Variants in CC2D1A observed in about 807,000 individuals in gnomAD.
CC2D1A encodes coiled-coil and C2 domain containing 1A.
Under a neutral mutation model 123.8 loss-of-function variants are expected in CC2D1A, and 68 were observed. The observed-to-expected ratio is 0.55, with a 90% CI of 0.45 to 0.67. The LOEUF (loss-of-function observed/expected upper bound fraction) is 0.67, where lower values mean the gene tolerates loss of function less well. CC2D1A is among the 30% of genes least tolerant of loss of function. CC2D1A has a pLI of 0.00. For missense variants in CC2D1A, 1,185 were observed against 1,290.3 expected, an observed-to-expected ratio of 0.92 and a Z score of 1.25; for synonymous variants, 477 against 528.0, an observed-to-expected ratio of 0.90 and a Z score of 1.32.
Position 13,926,387 on chromosome 19 carries a change from G to A in CC2D1A, c.1941-130G>A, listed in dbSNP as rs557868273. 8.4e-6 allele frequency: 6 copies of A among 712,690 alleles called. No individual in the cohort carries two copies. In the South Asian group the frequency reaches 8.9e-5, roughly 11 times the overall value. The allele number at this position is 712,690 out of a possible 1,614,324, so 44.1% of individuals were successfully genotyped here. On this transcript the variant is annotated intron_variant, in intron 17 of 28. Transcript: ENST00000318003. ...TGATTCTAAAATGAGCCCAGGAGCT[G>A]AGACACCCCCGAAGGCCAGGGTGGG...
At chr19:13,928,850 A>C (rs1331362749) in intron 24 of CC2D1A, among the ~76,000 whole-genome samples, 1 of 151,760 alleles carries the variant, frequency 6.6e-6, no homozygotes, top group Non-Finnish European at 1.5e-5. Flanking sequence ...CTGGGATTAC[A>C]GGCATGCGCC....
At chr19:13,912,269 T>C (rs2145306265) in intron 2 of CC2D1A, 54 bp from the exon 3 acceptor site, 1 of 1,518,902 alleles carries the variant, frequency 6.6e-7, no homozygotes, top group Non-Finnish European at 8.9e-7. Context: ...GGATGGGAAA[T>C]GGGGGCTCTT....
In CC2D1A at chr19:13,918,966, G is replaced by T; in HGVS notation, c.1073G>T (p.Arg358Leu). The change falls in exon 10 of 29, where the codon CGG becomes CTG. Residue 358 changes from arginine (R) to leucine (L), a missense_variant. Arg to Leu is a moderately radical substitution (Grantham distance 102). Transcript: ENST00000318003. ...GAGGCGCTGGAGCAGCGGATGGAGC[G>T]GTACCAGGTGGCCGCAGCCCAGGCC... ...LLEALEQRME[R>L]YQVAAAQAKS... 1.2e-6 allele frequency: 2 copies of T among 1,610,242 alleles called. No individual in the cohort carries two copies. Among genetic ancestry groups the T allele is most frequent in the Non-Finnish European group, 1.7e-6 (2 of 1,178,366 alleles).
At chr19:13,925,526 G>A (rs1430853932) in intron 17 of CC2D1A, among the ~76,000 whole-genome samples, 1 of 152,020 alleles carries the variant, frequency 6.6e-6, no homozygotes, top group Non-Finnish European at 1.5e-5. Context: ...CTTGCAGTGA[G>A]CAGAGATCGC....
rs1249442677 is a variant in CC2D1A at position 13,919,178 on chromosome 19, G to T, written c.1198G>T (p.Val400Phe). ...CCACAAGGCTGGCCGAGCCGTGGAT[G>T]TCGCTGAATTGCCCGTGCCCCCAGG... Reference protein sequence around the residue: ...RAHKAGRAVDVAELPVPPGFP... With the variant: ...RAHKAGRAVDFAELPVPPGFP... The change falls in exon 11 of 29, where the codon GTC (valine) becomes TTC (phenylalanine). Residue 400 changes from valine (V) to phenylalanine (F), a missense_variant. Transcript: ENST00000318003. 2 of 1,612,834 alleles carry T rather than the reference G, an allele frequency of 1.2e-6. No homozygotes were observed. The highest frequency in any genetic ancestry group is 1.3e-5 in the African/African-American group (1 of 74,898).
In CC2D1A at chr19:13,927,983, A is replaced by C; in HGVS notation, c.2407A>C (p.Thr803Pro). The change falls in exon 23 of 29, where the codon ACA (threonine) becomes CCA (proline). Residue 803 changes from threonine (T) to proline (P), a missense_variant. Transcript: ENST00000318003. Reference sequence around the variant, plus strand: ...GACAGCCCAGCAGTTGGAGACGACGACAGAGAGGTGGCTGGTCATTGACCC... The same window carrying C: ...GACAGCCCAGCAGTTGGAGACGACGCCAGAGAGGTGGCTGGTCATTGACCC... ...PLTAQQLETT[T>P]ERWLVIDPVP... 1 of 1,613,784 alleles carries C rather than the reference A, an allele frequency of 6.2e-7. No homozygotes were observed. The highest frequency in any genetic ancestry group is 8.5e-7 in the Non-Finnish European group (1 of 1,179,906).
chr19:13,930,290 G>A lies in CC2D1A; in HGVS notation c.2835+1G>A. 1 of 1,613,938 alleles carries A rather than the reference G, an allele frequency of 6.2e-7. No homozygotes were observed. The highest frequency in any genetic ancestry group is 8.5e-7 in the Non-Finnish European group (1 of 1,179,890). On this transcript the variant is annotated splice_donor_variant, in intron 28 of 28. Transcript: ENST00000318003. LOFTEE classifies it high-confidence loss of function. This position sits in a 1 kb window ranked among gnomAD's most constrained non-coding sequence, Gnocchi z 6.8. ...TAGGCGGAATCTGGTAGAGAGTGAG[G>A]TAAGCAGCTTAGGAGATGGGGTGGT... is the stretch of plus-strand genomic sequence containing the variant.
At chr19:13,919,292 C>G (rs1971325753) in intron 11 of CC2D1A, 90 bp downstream of exon 11, 5 of 1,027,382 alleles carry the variant, frequency 4.9e-6, no homozygotes, top group Non-Finnish European at 7.1e-6. Context: ...GGCTGTGCCC[C>G]AAGCTCCTGT....
rs747379192 is a variant in CC2D1A, at chr19:13,919,202, G to GGTAGGCCTTGCCCCT, written c.1222+9_1222+23dup. 1.2e-6 allele frequency: 2 copies of GGTAGGCCTTGCCCCT among 1,611,122 alleles called. No individual in the cohort carries two copies. Among genetic ancestry groups the GGTAGGCCTTGCCCCT allele is most frequent in the Admixed American group, 1.7e-5 (1 of 59,866 alleles). On this transcript the variant is annotated inframe_insertion and splice_region_variant. Coordinates refer to ENST00000318003, the MANE Select transcript of CC2D1A (RefSeq NM_017721.5). The stretch of plus-strand genomic sequence containing the variant: ...TGTCGCTGAATTGCCCGTGCCCCCA[G>GGTAGGCCTTGCCCCT]GTAGGCCTTGCCCCTGTAGGCCTCG...
rs759913319 is a variant in CC2D1A, at chr19:13,913,150, G to A, written c.379-18G>A. 2.1e-5 allele frequency: 33 copies of A among 1,591,264 alleles called. No individual in the cohort carries two copies. In the African/African-American group the frequency reaches 3.6e-4, roughly 18 times the overall value. ...CAAGTGGGGTCACCACCCACACTGT[G>A]CCCCTGCCCTCCCACAGCCGAAGCC... On this transcript the variant is annotated intron_variant, in intron 4 of 28. Coordinates refer to ENST00000318003, the MANE Select transcript of CC2D1A (RefSeq NM_017721.5).
rs570352165 is a variant in CC2D1A, at chr19:13,929,335, CTGGGG to C, written c.2520-43_2520-39del. On this transcript the variant is annotated intron_variant, in intron 24 of 28. Coordinates refer to ENST00000318003, the MANE Select transcript of CC2D1A (RefSeq NM_017721.5). ...TGTCTTTTGAATTAACAGGGTTGGG[CTGGGG>C]GAATCTCTGCAGTCCCTTATCCTTC... is the stretch of plus-strand genomic sequence containing the variant. The C allele has an allele frequency of 3.0e-4, 473 of 1,595,144 alleles. 1 individual carries two copies. In the African/African-American group the frequency reaches 5.7e-3, roughly 19 times the overall value.
chr19:13,913,064 G>A, intron 4 of CC2D1A, 104 bp from the exon 5 acceptor site: 1 of 1,240,098 alleles, frequency 8.1e-7, no homozygotes, highest in Non-Finnish European at 1.1e-6. Flanking sequence ...GGGCAGGGGA[G>A]GCTGGTCCAG....
At position 13,923,504 on chromosome 19, in the gene CC2D1A, C is replaced by T. The variant is rs758210421; in HGVS notation, c.1765-44C>T. 10 of 1,614,008 alleles carry T rather than the reference C, an allele frequency of 6.2e-6. No individual in the cohort carries two copies. The South Asian group carries it at 9.9e-5, about 16-fold the overall frequency. On this transcript the variant is annotated intron_variant, in intron 15 of 28. Transcript: ENST00000318003. The surrounding 1 kb of genome is among the most constrained non-coding windows in gnomAD (Gnocchi z 5.3). Reference sequence around the variant, plus strand: ...TCCCCCAGGAGCGTGACCCTCCTTCCCCTCTCTTCCCTTCCCTCGACTCAC... The same window carrying T: ...TCCCCCAGGAGCGTGACCCTCCTTCTCCTCTCTTCCCTTCCCTCGACTCAC...
chr19:13,906,615 G>A lies in CC2D1A; in HGVS notation c.60+114G>A, dbSNP rs899648153. 1.4e-4 allele frequency: 81 copies of A among 595,462 alleles called. No individual in the cohort carries two copies. Among genetic ancestry groups the A allele is most frequent in the South Asian group, 2.4e-5 (1 of 41,660 alleles). The allele number at this position is 595,462 out of a possible 1,614,324, so 36.9% of individuals were successfully genotyped here. ...GATCTCCGCCCCACAGGTAAGCCCC[G>A]GTCCCCGCCTCCCCCCAGGTGAGGC... On this transcript the variant is annotated intron_variant, in intron 1 of 28. Coordinates refer to ENST00000318003, the MANE Select transcript of CC2D1A (RefSeq NM_017721.5). The surrounding 1 kb of genome is among the most constrained non-coding windows in gnomAD (Gnocchi z 4.1).
At chr19:13,909,564 A>G in intron 1 of CC2D1A, 1 of 514,346 alleles carries the variant, frequency 1.9e-6, no homozygotes, top group Non-Finnish European at 3.7e-6. Context: ...AACTTGGCCC[A>G]GCAGCACATC....
intron 17 of CC2D1A, among the ~76,000 whole-genome samples, chr19:13,925,095 C>T (rs552538974): frequency 7.2e-5 from 11 of 152,312 alleles, no homozygotes; most frequent in African/African-American, 2.2e-4. Flanking sequence ...AAGAGGCCCT[C>T]CCTATCTATC....
At chr19:13,912,642 C>G in intron 4 of CC2D1A, 49 bp downstream of exon 4, 1 of 1,591,612 alleles carries the variant, frequency 6.3e-7, no homozygotes, top group Non-Finnish European at 8.6e-7. Context: ...CAACGGACAG[C>G]CCGGGGTTCA....
Position 13,930,464 on chromosome 19 carries a change from G to T in CC2D1A, c.*69G>T. The T allele has an allele frequency of 6.7e-7, 1 of 1,483,516 alleles. No individual in the cohort carries two copies. Among genetic ancestry groups the T allele is most frequent in the Non-Finnish European group, 9.0e-7 (1 of 1,107,332 alleles). 91.9% of individuals were successfully genotyped at this position (1,483,516 alleles called of 1,614,324 possible). A position where few individuals can be genotyped will look rare whatever the true frequency, so the allele number is the denominator to read the frequency against. On this transcript the variant is annotated 3_prime_UTR_variant, in exon 29 of 29. Transcript: ENST00000318003. This position sits in a 1 kb window ranked among gnomAD's most constrained non-coding sequence, Gnocchi z 6.8. ...CCCGATACCGGGAAGAGCCGACACA[G>T]CCACGAACCAGACAAGCAGACAATC... is the stretch of plus-strand genomic sequence containing the variant.
At chr19:13,928,907 C>T (rs1971753589) in intron 24 of CC2D1A, among the ~76,000 whole-genome samples, 1 of 151,852 alleles carries the variant, frequency 6.6e-6, no homozygotes, top group African/African-American at 2.4e-5. Flanking sequence ...TGGGGTTTCT[C>T]CATGTTGGTC....
Sources: allele counts gnomAD v4.1 joint callset (sites outside exome capture counted in the v4.1 genomes callset), GRCh38; gene constraint gnomAD v4.1.1; non-coding constraint Gnocchi (gnomAD v3.1); transcripts MANE v1.5; gene names NCBI Gene and HGNC (gene_info 2026-07-23, HGNC 2026-07-21).